Variants in CCSER1 observed in about 807,000 individuals in gnomAD.
CCSER1 encodes serine-rich coiled-coil domain-containing protein 1.
A neutral mutation model predicts 82.0 loss-of-function variants in CCSER1; 41 were observed. The ratio of observed to expected loss-of-function variants is 0.50; its 90% CI spans 0.39 to 0.65. CCSER1 has a LOEUF of 0.65. Ranked by LOEUF, CCSER1 falls within the 30% of genes least tolerant of loss-of-function variation. CCSER1 has a pLI of 0.00. For missense variants in CCSER1, 1,119 were observed against 1,064.2 expected (o/e 1.05, Z -0.72); for synonymous variants, 414 against 383.9 (o/e 1.08, Z -0.92).
intron 10 of CCSER1, among the ~76,000 whole-genome samples, chr4:91,174,410 A>G (rs544423330): frequency 1.2e-4 from 19 of 152,246 alleles, no homozygotes; most frequent in Non-Finnish European, 2.8e-4. Flanking sequence ...AAAAAACATG[A>G]CAGAGATTTT....
At chr4:90,337,070 A>G (rs1740538248) in intron 3 of CCSER1, among the ~76,000 whole-genome samples, 1 of 152,232 alleles carries the variant, frequency 6.6e-6, no homozygotes, top group Non-Finnish European at 1.5e-5. Context: ...AGGCCTGAAT[A>G]TCTGTTCTCT....
intron 10 of CCSER1, among the ~76,000 whole-genome samples, chr4:91,449,409 T>C (rs988881941): frequency 2.0e-5 from 3 of 152,074 alleles, no homozygotes; most frequent in Non-Finnish European, 4.4e-5. Flanking sequence ...ATCTGAATCA[T>C]TTGGCATCAT....
intron 8 of CCSER1, chr4:90,918,256 G>A (rs1180511474): frequency 6.6e-6 from 3 of 455,070 alleles, no homozygotes; most frequent in South Asian, 4.7e-5. Flanking sequence ...CTACACGTAG[G>A]CCATCATGTT....
intron 10 of CCSER1, among the ~76,000 whole-genome samples, chr4:91,503,051 A>G (rs1478258695): frequency 1.3e-5 from 2 of 152,184 alleles, no homozygotes; most frequent in Non-Finnish European, 2.9e-5. Flanking sequence ...CTTGTATAAG[A>G]AAGATTTGCA....
intron 10 of CCSER1, among the ~76,000 whole-genome samples, chr4:91,474,815 A>ACACACG (rs1757494233): frequency 1.6e-5 from 1 of 63,408 alleles, no homozygotes; most frequent in South Asian, 8.7e-4. Context: ...ATATATATAC[A>ACACACG]CACACACACA....
At chr4:90,509,589 C>G (rs1381970024) in intron 5 of CCSER1, among the ~76,000 whole-genome samples, 2 of 152,104 alleles carry the variant, frequency 1.3e-5, no homozygotes, top group African/African-American at 4.8e-5. Flanking sequence ...AAACCCTTGA[C>G]TTAGAACAAT....
At chr4:91,016,205 G>A (rs555537423) in intron 9 of CCSER1, among the ~76,000 whole-genome samples, 24 of 152,032 alleles carry the variant, frequency 1.6e-4, no homozygotes, top group Non-Finnish European at 2.5e-4. Flanking sequence ...TTTTATAAAC[G>A]TACTTTTTAT....
intron 4 of CCSER1, among the ~76,000 whole-genome samples, chr4:90,407,959 C>A (rs181183862): frequency 6.6e-6 from 1 of 152,290 alleles, no homozygotes; most frequent in East Asian, 1.9e-4. Context: ...TTCCAACGGG[C>A]CTAACAAACG....
intron 1 of CCSER1, among the ~76,000 whole-genome samples, chr4:90,271,496 G>C (rs988126676): frequency 6.6e-6 from 1 of 151,742 alleles, no homozygotes; most frequent in Non-Finnish European, 1.5e-5. Context: ...AAATAAAAGT[G>C]GGTTAAAGAC....
chr4:90,639,643 T>C (rs1726114885), intron 6 of CCSER1, among the ~76,000 whole-genome samples: 1 of 151,906 alleles, frequency 6.6e-6, no homozygotes, highest in African/African-American at 2.4e-5. Flanking sequence ...TAGAGAAAAA[T>C]CAAGCATTAC....
At chr4:90,787,268 A>G (rs569320059) in intron 7 of CCSER1, among the ~76,000 whole-genome samples, 5 of 152,344 alleles carry the variant, frequency 3.3e-5, no homozygotes, top group Admixed American at 2.0e-4. Context: ...GCCCCAAGAA[A>G]GAAAGGAGAG....
chr4:90,636,200 A>G (rs1384210385), intron 6 of CCSER1, among the ~76,000 whole-genome samples: 1 of 152,014 alleles, frequency 6.6e-6, no homozygotes, highest in Admixed American at 6.6e-5. Context: ...AACATAAATG[A>G]CAAAAACAAT....
At chr4:91,289,383 T>C (rs1409524751) in intron 10 of CCSER1, among the ~76,000 whole-genome samples, 3 of 151,980 alleles carry the variant, frequency 2.0e-5, no homozygotes, top group Non-Finnish European at 4.4e-5. Context: ...AGAATCAGAT[T>C]CAGATATTAT....
At chr4:90,805,950 T>C (rs1447759851) in intron 7 of CCSER1, among the ~76,000 whole-genome samples, 1 of 152,154 alleles carries the variant, frequency 6.6e-6, no homozygotes, top group African/African-American at 2.4e-5. Flanking sequence ...GCAAATACAA[T>C]GAGAATTTTG....
intron 9 of CCSER1, among the ~76,000 whole-genome samples, chr4:91,050,534 G>T (rs1249575611): frequency 5.9e-5 from 9 of 151,862 alleles, no homozygotes. Context: ...ATGCCTTTCC[G>T]TGTCACAAAT....
At chr4:91,082,417 G>T (rs1722872266) in intron 9 of CCSER1, among the ~76,000 whole-genome samples, 2 of 152,146 alleles carry the variant, frequency 1.3e-5, no homozygotes, top group Non-Finnish European at 1.5e-5. Flanking sequence ...ATTCAAGATG[G>T]ATTAAAGACT....
intron 9 of CCSER1, among the ~76,000 whole-genome samples, chr4:91,017,844 T>G (rs1739573038): frequency 6.6e-6 from 1 of 150,586 alleles, no homozygotes; most frequent in Non-Finnish European, 1.5e-5. Flanking sequence ...TGTGTGTGTA[T>G]AAATTTTTTT....
At chr4:91,583,636 T>G (rs1439221247) in intron 10 of CCSER1, among the ~76,000 whole-genome samples, 1 of 151,564 alleles carries the variant, frequency 6.6e-6, no homozygotes, top group Non-Finnish European at 1.5e-5. Flanking sequence ...CTTGCTTGAA[T>G]AGACTAGTGG....
intron 7 of CCSER1, among the ~76,000 whole-genome samples, chr4:90,743,237 G>T (rs946529354): frequency 6.6e-6 from 1 of 152,122 alleles, no homozygotes; most frequent in Non-Finnish European, 1.5e-5. Context: ...GTGTCCCTTT[G>T]GTTAGTGGCT....
Sources: gnomAD v4.1 joint callset for allele counts (sites outside exome capture counted in the v4.1 genomes callset) on GRCh38, gnomAD v4.1.1 for gene constraint, MANE v1.5 for transcripts, NCBI Gene and HGNC (gene_info 2026-07-23, HGNC 2026-07-21) for gene names.